Variants in NEGR1 observed in about 807,000 individuals in gnomAD.
NEGR1 encodes the protein IgLON family member 4.
Under a neutral mutation model 40.9 loss-of-function variants are expected in NEGR1, and 10 were observed. The ratio of observed to expected loss-of-function variants is 0.24; its 90% confidence interval spans 0.15 to 0.42. NEGR1 has a LOEUF of 0.42. Ranked by LOEUF, NEGR1 falls within the 10% of genes least tolerant of loss-of-function variation. NEGR1 has a pLI of 1.00. For synonymous variants in NEGR1, 185 were observed against 166.8 expected, an observed-to-expected ratio of 1.11 and a Z score of -0.84; for missense variants, 352 against 438.9, an observed-to-expected ratio of 0.80 and a Z score of 1.77.
chr1:71,941,150 T>C (rs550932129), intron 1 of NEGR1, among the ~76,000 whole-genome samples: 1 of 152,258 alleles, frequency 6.6e-6, no homozygotes, highest in South Asian at 2.1e-4. Flanking sequence ...CATAAAGTCC[T>C]AAATTTGACA....
intron 4 of NEGR1, among the ~76,000 whole-genome samples, chr1:71,671,048 T>G (rs1652408328): frequency 6.6e-6 from 1 of 152,070 alleles, no homozygotes; most frequent in African/African-American, 2.4e-5. Context: ...AGGTGAAATT[T>G]TAATATGCGA....
chr1:71,684,220 C>G (rs906805365), intron 4 of NEGR1, among the ~76,000 whole-genome samples: 1 of 151,922 alleles, frequency 6.6e-6, no homozygotes, highest in African/African-American at 2.4e-5. Flanking sequence ...GCAGTGAGCC[C>G]AGATCGCGCC....
chr1:71,534,366 A>C (rs1477005029), intron 6 of NEGR1, among the ~76,000 whole-genome samples: 3 of 151,622 alleles, frequency 2.0e-5, no homozygotes, highest in Non-Finnish European at 1.5e-5. Flanking sequence ...GGTATGTGGG[A>C]GACTAAAGTT....
intron 4 of NEGR1, among the ~76,000 whole-genome samples, chr1:71,636,223 A>T (rs1651144361): frequency 6.6e-6 from 1 of 152,122 alleles, no homozygotes; most frequent in African/African-American, 2.4e-5. Flanking sequence ...AATGGAAAGT[A>T]AATAAGAGAA....
At chr1:72,092,336 A>G (rs1179375554) in intron 1 of NEGR1, among the ~76,000 whole-genome samples, 1 of 152,178 alleles carries the variant, frequency 6.6e-6, no homozygotes, top group Non-Finnish European at 1.5e-5. Context: ...TCTACCAAAC[A>G]TGAAAAAATG....
chr1:72,037,606 T>C lies in NEGR1; in HGVS notation c.177-102295A>G, dbSNP rs572148815. On this transcript the variant is annotated intron_variant, in intron 1 of 6. Transcript: ENST00000357731. ...GTTGTCATTTTTTGTCATGCTTTCC[T>C]TCATCATTAACATGTAGAGAGCAAA... is the stretch of plus-strand genomic sequence containing the variant. Among the ~76,000 whole-genome samples, 3 of 152,260 alleles carry C rather than the reference T, an allele frequency of 2.0e-5. No homozygotes were observed. In the East Asian group the frequency reaches 5.8e-4, roughly 29 times the overall value.
At chr1:71,992,234 C>T (rs556023044) in intron 1 of NEGR1, among the ~76,000 whole-genome samples, 32 of 151,810 alleles carry the variant, frequency 2.1e-4, no homozygotes, top group African/African-American at 7.7e-4. Context: ...TCATTTTTAG[C>T]ATATAAATTA....
chr1:71,918,013 C>A (rs944659139), intron 2 of NEGR1, among the ~76,000 whole-genome samples: 4 of 149,488 alleles, frequency 2.7e-5, no homozygotes, highest in African/African-American at 9.8e-5. Flanking sequence ...GTCAGGAGAT[C>A]GAGACCATCC....
At chr1:71,420,467 C>A (rs1646386924) in intron 6 of NEGR1, among the ~76,000 whole-genome samples, 2 of 151,812 alleles carry the variant, frequency 1.3e-5, no homozygotes, top group Non-Finnish European at 2.9e-5. Flanking sequence ...TAATTCTTAG[C>A]TTTTAGGACT....
chr1:72,262,336 A>G (rs1655485522), intron 1 of NEGR1, among the ~76,000 whole-genome samples: 1 of 152,016 alleles, frequency 6.6e-6, no homozygotes, highest in Non-Finnish European at 1.5e-5. Context: ...CCTGAAGTGA[A>G]AGCTCAAATA....
intron 1 of NEGR1, among the ~76,000 whole-genome samples, chr1:72,155,416 G>T (rs1369670134): frequency 6.6e-6 from 1 of 151,888 alleles, no homozygotes; most frequent in African/African-American, 2.4e-5. Context: ...AGAACAATCA[G>T]ATTTCAATTT....
intron 1 of NEGR1, among the ~76,000 whole-genome samples, chr1:72,115,633 G>A (rs968216835): frequency 6.6e-6 from 1 of 151,668 alleles, no homozygotes; most frequent in Non-Finnish European, 1.5e-5. Flanking sequence ...AAGTGTGTAT[G>A]GAAAAGTGGG....
intron 3 of NEGR1, among the ~76,000 whole-genome samples, chr1:71,707,648 T>C (rs1184485156): frequency 7.9e-5 from 12 of 151,880 alleles, no homozygotes; most frequent in Admixed American, 7.9e-4. Flanking sequence ...GGGCTGTGAG[T>C]GAACACAGGC....
intron 5 of NEGR1, among the ~76,000 whole-genome samples, chr1:71,595,974 A>G (rs1032701080): frequency 6.6e-6 from 1 of 151,128 alleles, no homozygotes; most frequent in Non-Finnish European, 1.5e-5. Flanking sequence ...AATCATTCTT[A>G]TATTGACTTA....
At chr1:71,719,158 T>A (rs1047715232) in intron 3 of NEGR1, among the ~76,000 whole-genome samples, 1 of 152,112 alleles carries the variant, frequency 6.6e-6, no homozygotes, top group Non-Finnish European at 1.5e-5. Flanking sequence ...TGTGAAAGGA[T>A]CATTTGGGTT....
At chr1:72,220,055 C>T (rs1377738950) in intron 1 of NEGR1, among the ~76,000 whole-genome samples, 2 of 151,826 alleles carry the variant, frequency 1.3e-5, no homozygotes, top group African/African-American at 4.8e-5. Context: ...AAACTATTTC[C>T]CATGTTAATA....
intron 4 of NEGR1, among the ~76,000 whole-genome samples, chr1:71,616,436 G>A (rs371594019): frequency 6.6e-6 from 1 of 152,230 alleles, no homozygotes; most frequent in African/African-American, 2.4e-5. Flanking sequence ...AGGCAGTGTT[G>A]CTAGCACTGG....
At chr1:71,644,695 CG>C (rs1174810103) in intron 4 of NEGR1, among the ~76,000 whole-genome samples, 1 of 151,924 alleles carries the variant, frequency 6.6e-6, no homozygotes, top group East Asian at 1.9e-4. Flanking sequence ...ATGTCAACTA[CG>C]GTAAGGATTA....
intron 4 of NEGR1, among the ~76,000 whole-genome samples, chr1:71,674,005 A>G (rs1361236804): frequency 6.6e-6 from 1 of 152,154 alleles, no homozygotes; most frequent in East Asian, 1.9e-4. Flanking sequence ...TAAGAATACA[A>G]CTGTTGGTAT....
Sources: allele counts gnomAD v4.1 joint callset (sites outside exome capture counted in the v4.1 genomes callset), GRCh38; gene constraint gnomAD v4.1.1; transcripts MANE v1.5; gene names NCBI Gene and HGNC (gene_info 2026-07-23, HGNC 2026-07-21).